Variants in CACNA1F observed in about 807,000 individuals in gnomAD.
CACNA1F encodes the protein calcium voltage-gated channel subunit alpha1 F, also known as voltage-dependent L-type calcium channel subunit alpha-1F.
In CACNA1F, 59 loss-of-function variants were observed where a neutral mutation model predicts 143.8. The ratio of observed to expected loss-of-function variants is 0.41; its 90% CI spans 0.33 to 0.51. The LOEUF (loss-of-function observed/expected upper bound fraction) is 0.51, where lower values mean the gene tolerates loss of function less well. Among genes scored for constraint, CACNA1F ranks in the 20% least tolerant of loss-of-function variants. The pLI is 0.22. For synonymous variants in CACNA1F, 643 were observed against 649.1 expected (o/e 0.99, Z 0.14); for missense variants, 1,411 against 1,647.5 (o/e 0.86, Z 2.48).
At chrX:49,207,288 T>C (rs1557105169) in intron 43 of CACNA1F, among the ~76,000 whole-genome samples, 176 bp from the exon 44 acceptor site, 1 of 111,860 alleles carries the variant, frequency 8.9e-6, no homozygotes, top group African/African-American at 3.3e-5. Flanking sequence ...CCATGGGCTT[T>C]TGTTTAATAG....
rs782293212 is a variant in CACNA1F, at chrX:49,217,998, A to G, written c.2936T>C (p.Val979Ala). The change falls in exon 25 of 48, where the codon GTG (valine) becomes GCG (alanine). Residue 979 changes from valine (V) to alanine (A), a missense_variant. Physicochemically the swap from Val to Ala is moderately conservative, Grantham distance 64. Coordinates refer to ENST00000323022, the MANE Select transcript of CACNA1F (RefSeq NM_001256789.3). The part of the protein sequence containing the change: ...INRAKGLKHV[V>A]QCVFVAIRTI... ...CCGGATGGCCACAAATACACACTGC[A>G]CCACATGCTGCGGGCACCCAAGCAT... 8.3e-7 allele frequency: 1 copy of G among 1,201,509 alleles called. No homozygotes were observed. Among genetic ancestry groups the G allele is most frequent in the South Asian group, 1.8e-5 (1 of 56,533 alleles).
At chrX:49,219,518 A>G (rs2065754263) in intron 20 of CACNA1F, 68 bp from the exon 21 acceptor site, 1 of 1,183,964 alleles carries the variant, frequency 8.4e-7, no homozygotes, top group East Asian at 3.1e-5. Context: ...TCCAAGGGAT[A>G]CAGTTCTGGC....
Position 49,230,208 on chromosome X carries a change from G to T in CACNA1F, c.817+12C>A. 8.4e-7 allele frequency: 1 copy of T among 1,195,332 alleles called. No individual in the cohort carries two copies. The highest frequency in any genetic ancestry group is 1.1e-6 in the Non-Finnish European group (1 of 884,376). ...GGGGCATGTTCTGCCTAGGAGGGGC[G>T]GGCAGACTAACCGGATCCCAGGAAG... On this transcript the variant is annotated intron_variant, in intron 6 of 47. Transcript: ENST00000323022.
At chrX:49,228,014 AG>A in intron 8 of CACNA1F, 21 bp downstream of exon 8, 1 of 1,091,211 alleles carries the variant, frequency 9.2e-7, no homozygotes, top group Non-Finnish European at 1.3e-6. Context: ...GGTGGGAAGC[AG>A]GGAGTGTCTA....
At chrX:49,225,679 T>C (rs144464432) in intron 13 of CACNA1F, among the ~76,000 whole-genome samples, 1,939 of 110,969 alleles carry the variant, frequency 0.017, 29 homozygotes, top group Non-Finnish European at 0.026. Context: ...GGTGAAGAAA[T>C]TGTCAGTACA....
chrX:49,212,956 G>A lies in CACNA1F; in HGVS notation c.3813+18C>T. On this transcript the variant is annotated intron_variant, in intron 32 of 47. Transcript: ENST00000323022. ...ATGGGAAAAGAAGCAGAGAGTCCCT[G>A]TTATTAGGGTGGGCTACCTCGCCAA... 1 of 1,200,451 alleles carries A rather than the reference G, an allele frequency of 8.3e-7. No individual in the cohort carries two copies. Among genetic ancestry groups the A allele is most frequent in the Non-Finnish European group, 1.1e-6 (1 of 887,638 alleles).
In CACNA1F at chrX:49,219,599, C is replaced by T. The variant is rs782300213; in HGVS notation, c.2543+35G>A. On this transcript the variant is annotated intron_variant, in intron 20 of 47. Transcript: ENST00000323022. ...CATGCTCCTCCACCTGCCCTAGCCC[C>T]TCCTGCCTCACCCCCTGCCACTTCC... 186 of 1,181,975 alleles carry T rather than the reference C, an allele frequency of 1.6e-4. 1 individual carries two copies. Among genetic ancestry groups the T allele is most frequent in the Non-Finnish European group, 2.5e-5 (22 of 881,862 alleles).
In CACNA1F at chrX:49,222,852, G is replaced by A; in HGVS notation, c.2086-14C>T. On this transcript the variant is annotated splice_polypyrimidine_tract_variant and intron_variant, in intron 15 of 47. Coordinates refer to ENST00000323022, the MANE Select transcript of CACNA1F (RefSeq NM_001256789.3). ...ACCTGTCAGGATCTGGGGGTGGGAA[G>A]TCACTGTGGAGCTCTTGGACCCCCT... The A allele has an allele frequency of 8.3e-7, 1 of 1,211,490 alleles. No homozygotes were observed.
At chrX:49,218,766 C>T (rs376870756) in intron 22 of CACNA1F, 31 bp from the exon 23 acceptor site, 208 of 561,121 alleles carry the variant, frequency 3.7e-4, no homozygotes, top group Middle Eastern at 2.6e-3. Context: ...TAGACTCAGA[C>T]CTGGGGATGG....
intron 43 of CACNA1F, 93 bp downstream of exon 43, chrX:49,208,422 C>CCCCCCCCCAAAAA: frequency 2.1e-6 from 1 of 466,253 alleles, no homozygotes; most frequent in African/African-American, 2.5e-5. Flanking sequence ...CCCTCCCTCC[C>CCCCCCCCCAAAAA]ACCCCCCTCA....
At position 49,210,337 on chromosome X, in the gene CACNA1F, C is replaced by T; in HGVS notation, c.4552G>A (p.Ala1518Thr). ...ATCTTCAGGGATGTCCGGACCAGGG[C>T]AAAGAGTGTGGCGTTGAATGTCACC... is the stretch of plus-strand genomic sequence containing the variant. ...GTVTFNATLF[A>T]LVRTSLKIKT... Residue 1518 changes from alanine (A) to threonine (T), a missense_variant, in exon 39 of 48, where the codon GCC becomes ACC. Physicochemically the swap from Ala to Thr is moderately conservative, Grantham distance 58. Coordinates refer to ENST00000323022, the MANE Select transcript of CACNA1F (RefSeq NM_001256789.3). 1 of 1,208,806 alleles carries T rather than the reference C, an allele frequency of 8.3e-7. No homozygotes were observed. The highest frequency in any genetic ancestry group is 1.1e-6 in the Non-Finnish European group (1 of 892,771).
intron 12 of CACNA1F, 47 bp from the exon 13 acceptor site, chrX:49,226,116 C>T: frequency 1.7e-6 from 2 of 1,168,072 alleles, no homozygotes; most frequent in Non-Finnish European, 2.3e-6. Flanking sequence ...CCTAAGCCTG[C>T]CCTGGGGGGC....
chrX:49,219,586 C>T, intron 20 of CACNA1F, 48 bp downstream of exon 20: 3 of 1,178,553 alleles, frequency 2.5e-6, no homozygotes, highest in Non-Finnish European at 2.3e-6. Context: ...TGCTCCTCCA[C>T]CTGCCCTAGC....
chrX:49,215,484 C>T lies in CACNA1F; in HGVS notation c.3296G>A (p.Arg1099His), dbSNP rs782455077. The change falls in exon 28 of 48, where the codon CGT (arginine) becomes CAT (histidine). Residue 1099 changes from arginine to histidine, a missense_variant. Transcript: ENST00000323022. ...AEDHGPIYNYRVEISVFFIVY... is the reference protein window; with the variant it reads ...AEDHGPIYNYHVEISVFFIVY... ...AATGAAGAACACTGAGATCTCCACA[C>T]GGTAATTATAGATGGGGCCGTGGTC... 8.3e-6 allele frequency: 10 copies of T among 1,203,204 alleles called. No individual in the cohort carries two copies. The highest frequency in any genetic ancestry group is 3.5e-5 in the South Asian group (2 of 56,365).
At position 49,213,937 on chromosome X, in the gene CACNA1F, C is replaced by G. The variant is rs1282913495; in HGVS notation, c.3709-35G>C. ...GGAGAAAAGCAGTGCCCTGTCTTCT[C>G]AAAGCTCGCAAGCCAGGGTAGGGGG... is the stretch of plus-strand genomic sequence containing the variant. On this transcript the variant is annotated intron_variant, in intron 30 of 47. Coordinates refer to ENST00000323022, the MANE Select transcript of CACNA1F (RefSeq NM_001256789.3). The G allele has an allele frequency of 6.7e-6, 7 of 1,045,541 alleles. No homozygotes were observed. In the African/African-American group the frequency reaches 9.3e-5, roughly 14 times the overall value. 86.2% of individuals were successfully genotyped at this position (1,045,541 alleles called of 1,213,427 possible).
intron 33 of CACNA1F, 34 bp downstream of exon 33, chrX:49,212,633 G>A (rs782274807): frequency 4.2e-6 from 5 of 1,199,386 alleles, no homozygotes; most frequent in Admixed American, 2.2e-5. Context: ...AAATGGGGGC[G>A]AGGTATGGTC....
chrX:49,215,586 G>A (rs1557107252), intron 27 of CACNA1F, 43 bp from the exon 28 acceptor site: 2 of 879,454 alleles, frequency 2.3e-6, no homozygotes, highest in Admixed American at 2.5e-5. Flanking sequence ...GCAGGTGAGG[G>A]GATATCCCAG....
rs782259257 is a variant in CACNA1F at position 49,206,526 on chromosome X, C to G, written c.5457G>C (p.Gly1819=). 1 of 1,204,839 alleles carries G rather than the reference C, an allele frequency of 8.3e-7. No homozygotes were observed. Residue 1819 remains glycine, a synonymous_variant, in exon 46 of 48, where the codon GGG becomes GGC. Transcript: ENST00000323022. ...PGTYHRGRNS[G]PNRAQGSWAT... ...ACAGCCTCACCTGAGCCCTATTGGGCCCTGAATTTCGCCCACGATGATAGG... is the reference window on the plus strand; with the variant it reads ...ACAGCCTCACCTGAGCCCTATTGGGGCCTGAATTTCGCCCACGATGATAGG...
chrX:49,213,640 G>A (rs1557106734), intron 31 of CACNA1F, among the ~76,000 whole-genome samples, 179 bp downstream of exon 31: 1 of 111,572 alleles, frequency 9.0e-6, no homozygotes, highest in East Asian at 2.8e-4. Context: ...CCAGTAGAGG[G>A]GGACTTTTGC....
Sources: gnomAD v4.1 joint callset for allele counts (sites outside exome capture counted in the v4.1 genomes callset) on GRCh38, gnomAD v4.1.1 for gene constraint, MANE v1.5 for transcripts, NCBI Gene and HGNC (gene_info 2026-07-23, HGNC 2026-07-21) for gene names.